Variants in MRTFA observed in about 807,000 individuals in gnomAD.
MRTFA encodes the protein myocardin-related transcription factor A.
In MRTFA, 20 loss-of-function variants were observed where a neutral mutation model predicts 83.5. The observed-to-expected ratio is 0.24, with a 90% CI of 0.17 to 0.35. The LOEUF (loss-of-function observed/expected upper bound fraction) is 0.35. MRTFA is among the 10% of genes least tolerant of loss of function. The pLI, the probability that MRTFA is intolerant of heterozygous loss-of-function variation, is 1.00. For synonymous variants in MRTFA, 659 were observed against 541.2 expected (o/e 1.22, Z -3.02); for missense variants, 1,200 against 1,224.7 (o/e 0.98, Z 0.30).
intron 3 of MRTFA, among the ~76,000 whole-genome samples, chr22:40,540,767 ACT>A (rs1259089443): frequency 1.7e-5 from 2 of 119,138 alleles, no homozygotes; most frequent in Admixed American, 2.3e-4. Context: ...ACAGAGTGAG[ACT>A]CTGTCTCAAA....
intron 3 of MRTFA, among the ~76,000 whole-genome samples, chr22:40,538,442 G>C (rs1009621691): frequency 8.0e-5 from 12 of 150,762 alleles, no homozygotes; most frequent in African/African-American, 2.9e-4. Flanking sequence ...GAAGGCCGCA[G>C]GGTCCTCTGC....
At position 40,423,531 on chromosome 22, in the gene MRTFA, T is replaced by C; in HGVS notation, c.927+5A>G. On this transcript the variant is annotated splice_donor_5th_base_variant and intron_variant, in intron 9 of 14. Transcript: ENST00000355630. ...GGGAGGGTACAATCACTGGCAGAAA[T>C]GTACCTTAATGAGTGTGGGGGTGGA... 4.0e-6 allele frequency: 6 copies of C among 1,481,520 alleles called. No homozygotes were observed. The highest frequency in any genetic ancestry group is 5.4e-6 in the Non-Finnish European group (6 of 1,107,352). 91.8% of individuals were successfully genotyped at this position (1,481,520 alleles called of 1,614,324 possible).
chr22:40,488,255 T>C (rs927837567), intron 3 of MRTFA, among the ~76,000 whole-genome samples: 1 of 152,090 alleles, frequency 6.6e-6, no homozygotes, highest in African/African-American at 2.4e-5. Context: ...TCTACAAGGT[T>C]AAGGTCACAG....
intron 4 of MRTFA, among the ~76,000 whole-genome samples, chr22:40,461,541 T>C (rs2053712026): frequency 6.6e-6 from 1 of 151,004 alleles, no homozygotes; most frequent in Middle Eastern, 3.4e-3. Context: ...TCCCAGCACT[T>C]TGGGAGGCTG....
chr22:40,504,716 C>T (rs1441960329), intron 3 of MRTFA, among the ~76,000 whole-genome samples: 1 of 152,146 alleles, frequency 6.6e-6, no homozygotes, highest in Non-Finnish European at 1.5e-5. Flanking sequence ...TGATCAGAAT[C>T]CTCAACTTAG....
chr22:40,447,361 G>C (rs73167046), intron 4 of MRTFA, among the ~76,000 whole-genome samples: 12,215 of 149,564 alleles, frequency 0.082, 762 homozygotes, highest in East Asian at 0.24. Flanking sequence ...AAAAAAAAAA[G>C]AAAAAAGAAA....
At chr22:40,496,634 T>C (rs1361332274) in intron 3 of MRTFA, among the ~76,000 whole-genome samples, 2 of 143,718 alleles carry the variant, frequency 1.4e-5, no homozygotes, top group Non-Finnish European at 3.0e-5. Flanking sequence ...ATTTGAGCTG[T>C]TGTCCTCACA....
chr22:40,635,031 AT>A (rs133048), intron 1 of MRTFA, among the ~76,000 whole-genome samples: 120,841 of 152,194 alleles, frequency 0.79, 49,104 homozygotes, highest in African/African-American at 0.95. Context: ...AACTACAGAT[AT>A]TTTTTTCTTT....
At chr22:40,459,401 T>C (rs1392961059) in intron 4 of MRTFA, among the ~76,000 whole-genome samples, 1 of 152,062 alleles carries the variant, frequency 6.6e-6, no homozygotes, top group Non-Finnish European at 1.5e-5. Context: ...TACTTCCTTC[T>C]CTAGAAAAGC....
intron 3 of MRTFA, among the ~76,000 whole-genome samples, chr22:40,535,662 T>C (rs60567546): frequency 1.3e-5 from 2 of 152,138 alleles, no homozygotes; most frequent in African/African-American, 4.8e-5. Flanking sequence ...CTTTGTTAAA[T>C]TTACTTTGTC....
chr22:40,430,994 G>GTGAA (rs759980217), intron 6 of MRTFA, among the ~76,000 whole-genome samples: 2 of 151,690 alleles, frequency 1.3e-5, no homozygotes, highest in African/African-American at 2.4e-5. Context: ...TGAATGCCAA[G>GTGAA]TGAATGACTG....
chr22:40,499,022 AC>A (rs2054410160), intron 3 of MRTFA, among the ~76,000 whole-genome samples: 1 of 152,136 alleles, frequency 6.6e-6, no homozygotes. Context: ...TTAATTTTCC[AC>A]TTTTAGAACA....
intron 3 of MRTFA, among the ~76,000 whole-genome samples, chr22:40,544,267 C>T (rs1453479095): frequency 6.6e-6 from 1 of 152,142 alleles, no homozygotes; most frequent in African/African-American, 2.4e-5. Flanking sequence ...TGGGGTCTTG[C>T]TCTGTCACCC....
At chr22:40,621,334 G>T (rs1355418008) in intron 1 of MRTFA, among the ~76,000 whole-genome samples, 1 of 152,158 alleles carries the variant, frequency 6.6e-6, no homozygotes, top group Non-Finnish European at 1.5e-5. Flanking sequence ...TGACTCTTGA[G>T]GACATTATAC....
At chr22:40,556,263 G>T (rs2055522673) in intron 2 of MRTFA, among the ~76,000 whole-genome samples, 1 of 152,110 alleles carries the variant, frequency 6.6e-6, no homozygotes, top group African/African-American at 2.4e-5. Flanking sequence ...TTTAGTTGAA[G>T]AAACCAACAA....
chr22:40,420,253 T>C, intron 11 of MRTFA, 152 bp downstream of exon 11: 1 of 869,134 alleles, frequency 1.2e-6, no homozygotes, highest in Non-Finnish European at 1.7e-6. Flanking sequence ...AGGTGCCCTG[T>C]CTGATGGGGA....
intron 3 of MRTFA, chr22:40,526,769 A>T (rs2054981700): frequency 6.6e-6 from 1 of 152,216 alleles, no homozygotes; most frequent in Non-Finnish European, 1.5e-5. Context: ...AGATACAGAC[A>T]CTGCAAAAAG....
intron 3 of MRTFA, among the ~76,000 whole-genome samples, chr22:40,536,371 G>T (rs1466245265): frequency 2.8e-5 from 4 of 145,044 alleles, no homozygotes; most frequent in African/African-American, 2.5e-5. Context: ...AGCGGGCAGC[G>T]GAGCTGTCTC....
At chr22:40,560,342 G>A (rs2055595094) in intron 2 of MRTFA, among the ~76,000 whole-genome samples, 1 of 152,146 alleles carries the variant, frequency 6.6e-6, no homozygotes, top group Non-Finnish European at 1.5e-5. Context: ...TTAACCTTGA[G>A]ATTAGAAAAT....
Sources: allele counts gnomAD v4.1 joint callset (sites outside exome capture counted in the v4.1 genomes callset), GRCh38; gene constraint gnomAD v4.1.1; transcripts MANE v1.5; gene names NCBI Gene and HGNC (gene_info 2026-07-23, HGNC 2026-07-21).